Variants in KCNJ16 observed in about 807,000 individuals in gnomAD.
KCNJ16 encodes inward rectifier potassium channel 16.
Under a neutral mutation model 18.5 loss-of-function variants are expected in KCNJ16, and 15 were observed. The observed-to-expected ratio is 0.81, with a 90% CI of 0.54 to 1.25. The LOEUF (loss-of-function observed/expected upper bound fraction) is 1.25. Ranked by LOEUF, KCNJ16 falls within the 50% of genes most tolerant of loss-of-function variation. The pLI, the probability that KCNJ16 is intolerant of heterozygous loss-of-function variation, is 0.00. For missense variants in KCNJ16, 523 were observed against 525.7 expected (o/e 0.99, Z 0.05); for synonymous variants, 174 against 186.5 (o/e 0.93, Z 0.55).
At chr17:70,103,239 A>C (rs1351026928) in intron 2 of KCNJ16, among the ~76,000 whole-genome samples, 5 of 136,214 alleles carry the variant, frequency 3.7e-5, no homozygotes, top group East Asian at 4.2e-4. Flanking sequence ...TTATATATTT[A>C]TGTGTATATA....
intron 2 of KCNJ16, among the ~76,000 whole-genome samples, chr17:70,104,048 CACCTCAGCATCCCAGGCGATCCTCCT>C (rs1461175896): frequency 1.5e-4 from 23 of 151,504 alleles, no homozygotes; most frequent in Admixed American, 1.3e-3. Context: ...GTGATCCTCC[CACCTCAGCATCCCAGGCGATCCTCCT>C]ACCTCAGCAT....
At chr17:70,116,197 A>G (rs1177005218) in intron 2 of KCNJ16, among the ~76,000 whole-genome samples, 1 of 152,098 alleles carries the variant, frequency 6.6e-6, no homozygotes, top group African/African-American at 2.4e-5. Flanking sequence ...ATTTTATTGT[A>G]TGAGAGTTTT....
At chr17:70,123,014 C>T (rs966571718) in intron 2 of KCNJ16, among the ~76,000 whole-genome samples, 1 of 152,220 alleles carries the variant, frequency 6.6e-6, no homozygotes, top group Admixed American at 6.5e-5. Flanking sequence ...TCCTTCTGCT[C>T]TTAAATTTCC....
chr17:70,116,903 CA>C (rs1241227520), intron 2 of KCNJ16, among the ~76,000 whole-genome samples: 17 of 152,250 alleles, frequency 1.1e-4, no homozygotes, highest in African/African-American at 4.1e-4. Context: ...GGAGATTTCT[CA>C]AAGAACTTAA....
In KCNJ16 at chr17:70,108,753, A is replaced by T. The variant is rs149644076; in HGVS notation, c.-191+7987A>T. On this transcript the variant is annotated intron_variant, in intron 2 of 3. Transcript: ENST00000392671. ...CTATTTTTGTTGAATCTTTGCCTTG[A>T]TTTTCTGGGAAAGATATATTTTTAA... Among the ~76,000 whole-genome samples, 936 of 152,076 alleles carry T rather than the reference A, an allele frequency of 6.2e-3. 8 individuals are homozygous for T. The highest frequency in any genetic ancestry group is 0.018 in the African/African-American group (745 of 41,482).
chr17:70,091,890 A>AAC (rs1344870794), intron 1 of KCNJ16, among the ~76,000 whole-genome samples: 1 of 152,164 alleles, frequency 6.6e-6, no homozygotes, highest in Non-Finnish European at 1.5e-5. Context: ...AGTAAATGTT[A>AAC]ACATTCCATG....
intron 1 of KCNJ16, among the ~76,000 whole-genome samples, chr17:70,095,907 G>C (rs546102898): frequency 8.7e-6 from 1 of 114,618 alleles, no homozygotes; most frequent in South Asian, 3.2e-4. Context: ...TTTTGAGATG[G>C]AGTCTTGCTC....
At chr17:70,117,027 A>T (rs1447551667) in intron 2 of KCNJ16, among the ~76,000 whole-genome samples, 1 of 152,214 alleles carries the variant, frequency 6.6e-6, no homozygotes, top group Non-Finnish European at 1.5e-5. Context: ...CACCATTCAC[A>T]ATAGCAAAGG....
At chr17:70,106,181 G>A (rs541898307) in intron 2 of KCNJ16, among the ~76,000 whole-genome samples, 3 of 152,246 alleles carry the variant, frequency 2.0e-5, no homozygotes, top group Admixed American at 2.0e-4. Flanking sequence ...GAGTCAGGAT[G>A]ATCTGTCTCG....
intron 2 of KCNJ16, among the ~76,000 whole-genome samples, chr17:70,129,790 A>G (rs1005711106): frequency 6.6e-6 from 1 of 152,220 alleles, no homozygotes; most frequent in Non-Finnish European, 1.5e-5. Context: ...GTATTAATTG[A>G]AAATTCATTC....
intron 2 of KCNJ16, among the ~76,000 whole-genome samples, chr17:70,105,468 T>A (rs897959074): frequency 6.6e-6 from 1 of 152,206 alleles, no homozygotes; most frequent in African/African-American, 2.4e-5. Flanking sequence ...CTTTTTTGTA[T>A]GTCTTTGTCA....
At chr17:70,116,173 T>C (rs565279417) in intron 2 of KCNJ16, among the ~76,000 whole-genome samples, 1 of 152,298 alleles carries the variant, frequency 6.6e-6, no homozygotes, top group South Asian at 2.1e-4. Flanking sequence ...TTTAAATATA[T>C]TTAAACTTAA....
Position 70,103,286 on chromosome 17 carries a change from A to ATGTGTGTGTGTGTGTGTGTGTG in KCNJ16, c.-191+2531_-191+2532insGTGTGTGTGTGTGTGTGTGTGT, listed in dbSNP as rs1555589099. ...GTATATGTGTATATAATATGCATAT[A>ATGTGTGTGTGTGTGTGTGTGTG]TGTGTGTGTGTATATATATATATAT... On this transcript the variant is annotated intron_variant, in intron 2 of 3. Coordinates refer to ENST00000392671, the MANE Select transcript of KCNJ16 (RefSeq NM_170741.4). Among the ~76,000 whole-genome samples, 240 of 103,690 alleles carry ATGTGTGTGTGTGTGTGTGTGTG rather than the reference A, an allele frequency of 2.3e-3. 1 individual carries two copies. The highest frequency in any genetic ancestry group is 3.3e-3 in the Non-Finnish European group (177 of 53,538). The allele number at this position is 103,690 out of a possible 152,430, so 68.0% of individuals were successfully genotyped here.
At chr17:70,106,065 T>C (rs1331197692) in intron 2 of KCNJ16, among the ~76,000 whole-genome samples, 1 of 152,212 alleles carries the variant, frequency 6.6e-6, no homozygotes, top group East Asian at 1.9e-4. Context: ...CTGAGTGTTT[T>C]GTTATCATTG....
At chr17:70,089,237 T>C (rs1356005693) in intron 1 of KCNJ16, among the ~76,000 whole-genome samples, 1 of 152,186 alleles carries the variant, frequency 6.6e-6, no homozygotes, top group African/African-American at 2.4e-5. Flanking sequence ...TGCCGTATGC[T>C]TGGGGCCACG....
At chr17:70,077,442 G>A (rs937709405) in intron 1 of KCNJ16, among the ~76,000 whole-genome samples, 1 of 152,140 alleles carries the variant, frequency 6.6e-6, no homozygotes, top group Non-Finnish European at 1.5e-5. Flanking sequence ...ACCCAATGGA[G>A]TAAATAAAAA....
At chr17:70,117,341 C>T (rs1038067469) in intron 2 of KCNJ16, among the ~76,000 whole-genome samples, 5 of 152,098 alleles carry the variant, frequency 3.3e-5, no homozygotes, top group African/African-American at 1.2e-4. Flanking sequence ...GGAAAACTAA[C>T]CTCAGCATCA....
intron 2 of KCNJ16, among the ~76,000 whole-genome samples, chr17:70,118,305 T>C (rs913450432): frequency 3.9e-5 from 6 of 152,082 alleles, no homozygotes; most frequent in East Asian, 1.9e-4. Context: ...AAATACCTAA[T>C]GTAGATTACG....
At chr17:70,109,578 C>T (rs2073094611) in intron 2 of KCNJ16, among the ~76,000 whole-genome samples, 1 of 152,130 alleles carries the variant, frequency 6.6e-6, no homozygotes, top group Admixed American at 6.6e-5. Flanking sequence ...TGTTCTCTCA[C>T]TGGGGGCCTG....
Sources: allele counts gnomAD v4.1 joint callset (sites outside exome capture counted in the v4.1 genomes callset), GRCh38; gene constraint gnomAD v4.1.1; transcripts MANE v1.5; gene names NCBI Gene and HGNC (gene_info 2026-07-23, HGNC 2026-07-21).